Variants in PPHLN1 observed in about 807,000 individuals in gnomAD.
PPHLN1 encodes the protein periphilin 1.
Under a neutral mutation model 51.3 loss-of-function variants are expected in PPHLN1, and 29 were observed. The ratio of observed to expected loss-of-function variants is 0.57; its 90% CI spans 0.42 to 0.77. The LOEUF (loss-of-function observed/expected upper bound fraction) is 0.77. PPHLN1 is among the 30% of genes least tolerant of loss of function. The pLI, the probability that PPHLN1 is intolerant of heterozygous loss-of-function variation, is 0.00. For missense variants in PPHLN1, 436 were observed against 438.4 expected, an observed-to-expected ratio of 0.99 and a Z score of 0.05; for synonymous variants, 147 against 147.8, an observed-to-expected ratio of 0.99 and a Z score of 0.04.
At position 42,420,923 on chromosome 12, in the gene PPHLN1, A is replaced by G. The variant is rs906367132; in HGVS notation, c.910-20392A>G. Among the ~76,000 whole-genome samples, 6 of 151,938 alleles carry G rather than the reference A, an allele frequency of 3.9e-5. No homozygotes were observed. In the East Asian group the frequency reaches 1.2e-3, roughly 29 times the overall value. On this transcript the variant is annotated intron_variant, in intron 9 of 9. Transcript: ENST00000358314. ...AACTGTCTTCCCTGGTTGATTTCAG[A>G]ACTTGTTTGTTACAATTCACCTTCC...
intron 9 of PPHLN1, among the ~76,000 whole-genome samples, chr12:42,418,341 C>T (rs2080657245): frequency 6.6e-6 from 1 of 150,524 alleles, no homozygotes; most frequent in African/African-American, 2.4e-5. Context: ...TTTTGAAACT[C>T]AGCCTCCGTA....
intron 3 of PPHLN1, among the ~76,000 whole-genome samples, chr12:42,353,393 T>C (rs1398870458): frequency 6.6e-6 from 1 of 152,236 alleles, no homozygotes; most frequent in African/African-American, 2.4e-5. Context: ...TTTCATACTT[T>C]ACGCTTGAAG....
chr12:42,370,214 G>T (rs1252539442), intron 4 of PPHLN1, among the ~76,000 whole-genome samples: 3 of 152,210 alleles, frequency 2.0e-5, no homozygotes, highest in Non-Finnish European at 4.4e-5. Context: ...CACCCTTAGA[G>T]ATTCTGATTC....
At chr12:42,422,352 A>T (rs2081079871) in intron 9 of PPHLN1, among the ~76,000 whole-genome samples, 1 of 152,142 alleles carries the variant, frequency 6.6e-6, no homozygotes. Context: ...TTTTTCCAGG[A>T]TGTGTTTATA....
chr12:42,365,257 AAAT>A (rs1426596077), intron 4 of PPHLN1, among the ~76,000 whole-genome samples: 2 of 152,240 alleles, frequency 1.3e-5, no homozygotes, highest in African/African-American at 4.8e-5. Flanking sequence ...TGCTTTCTCA[AAAT>A]AATTCTTGAA....
chr12:42,446,543 A>G, downstream of PPHLN1: 1 of 1,599,966 alleles, frequency 6.3e-7, no homozygotes, highest in Non-Finnish European at 8.5e-7. Context: ...TTAGAAAAGA[A>G]TATTACTAAT....
chr12:42,354,656 T>C (rs1194460628), intron 3 of PPHLN1, among the ~76,000 whole-genome samples: 1 of 151,778 alleles, frequency 6.6e-6, no homozygotes, highest in African/African-American at 2.4e-5. Flanking sequence ...TTAAATCTTA[T>C]TCTGATATAG....
chr12:42,446,291 G>GTATT (rs1446720322), downstream of PPHLN1: 3 of 1,575,134 alleles, frequency 1.9e-6, no homozygotes, highest in Non-Finnish European at 2.6e-6. Context: ...CTCACGCAAG[G>GTATT]TATTGGTCCT....
chr12:42,378,531 GAA>G (rs1330085177), intron 5 of PPHLN1, among the ~76,000 whole-genome samples: 1 of 151,558 alleles, frequency 6.6e-6, no homozygotes, highest in Non-Finnish European at 1.5e-5. Context: ...TTGAAATTTT[GAA>G]AAAGACGTAA....
At chr12:42,433,601 C>T (rs796833547) in intron 9 of PPHLN1, among the ~76,000 whole-genome samples, 2 of 152,310 alleles carry the variant, frequency 1.3e-5, no homozygotes, top group African/African-American at 4.8e-5. Context: ...GGATTACAGG[C>T]GTGAGCCACC....
rs531762717 is a variant in PPHLN1, at chr12:42,350,009, C to T, written c.73-1876C>T. ...GGGCAGAGGGGGCCCTCCCACCCCC[C>T]AGAGGGGGTGGCCGGGCAGAGGCGC... is the stretch of plus-strand genomic sequence containing the variant. On this transcript the variant is annotated intron_variant, in intron 2 of 9. Transcript: ENST00000358314. Among the ~76,000 whole-genome samples, 250 of 149,662 alleles carry T rather than the reference C, an allele frequency of 1.7e-3. 1 individual carries two copies. The highest frequency in any genetic ancestry group is 5.7e-3 in the African/African-American group (234 of 40,708).
chr12:42,387,906 G>C (rs990460645), intron 7 of PPHLN1, among the ~76,000 whole-genome samples: 1 of 152,232 alleles, frequency 6.6e-6, no homozygotes, highest in African/African-American at 2.4e-5. Context: ...AAGGGATCTA[G>C]GGCTGTGCAG....
At chr12:42,384,522 G>T (rs1301604636) in intron 5 of PPHLN1, among the ~76,000 whole-genome samples, 1 of 152,186 alleles carries the variant, frequency 6.6e-6, no homozygotes. Flanking sequence ...TTTTGACTGT[G>T]TATGCAGGTG....
intron 4 of PPHLN1, among the ~76,000 whole-genome samples, chr12:42,363,331 T>TA (rs11443075): frequency 0.15 from 22,075 of 151,130 alleles, 1,675 homozygotes; most frequent in Admixed American, 0.2. Context: ...TTAATTAATT[T>TA]AAAAAAAAAT....
At chr12:42,430,524 G>A (rs555147099) in intron 9 of PPHLN1, among the ~76,000 whole-genome samples, 5 of 151,622 alleles carry the variant, frequency 3.3e-5, no homozygotes, top group South Asian at 2.1e-4. Flanking sequence ...TTTTTGAGAC[G>A]GAGTACCCAG....
chr12:42,443,975 G>A (rs926530361), downstream of PPHLN1: 3 of 152,172 alleles, frequency 2.0e-5, no homozygotes, highest in Non-Finnish European at 2.9e-5. Context: ...CCATGTGTCA[G>A]TATTATGTAA....
At chr12:42,357,905 C>T (rs2074221693) in intron 4 of PPHLN1, among the ~76,000 whole-genome samples, 1 of 152,146 alleles carries the variant, frequency 6.6e-6, no homozygotes, top group Admixed American at 6.5e-5. Context: ...AAATCTCTGT[C>T]TCTCATTCCA....
chr12:42,358,713 A>T (rs912358249), intron 4 of PPHLN1, among the ~76,000 whole-genome samples: 2 of 152,182 alleles, frequency 1.3e-5, no homozygotes, highest in African/African-American at 4.8e-5. Context: ...GCCAAATTGA[A>T]TCTTTTTAAT....
intron 9 of PPHLN1, among the ~76,000 whole-genome samples, chr12:42,404,794 C>T (rs2079148026): frequency 6.6e-6 from 1 of 152,318 alleles, no homozygotes; most frequent in Non-Finnish European, 1.5e-5. Flanking sequence ...CTTTGGGAGG[C>T]TGAAGCAGGC....
Sources: gnomAD v4.1 joint callset for allele counts (sites outside exome capture counted in the v4.1 genomes callset) on GRCh38, gnomAD v4.1.1 for gene constraint, MANE v1.5 for transcripts, NCBI Gene and HGNC (gene_info 2026-07-23, HGNC 2026-07-21) for gene names.